Variants in SH2D4B observed in about 807,000 individuals in gnomAD.
SH2D4B encodes the protein SH2 domain-containing protein 4B.
In SH2D4B, 45 loss-of-function variants were observed where a neutral mutation model predicts 61.5. The ratio of observed to expected loss-of-function variants is 0.73; its 90% CI spans 0.58 to 0.94. SH2D4B has a LOEUF of 0.94. Ranked by LOEUF, SH2D4B falls within the 40% of genes least tolerant of loss-of-function variation. SH2D4B has a pLI of 0.00. For synonymous variants in SH2D4B, 224 were observed against 220.4 expected (o/e 1.02, Z -0.14); for missense variants, 572 against 574.2 (o/e 1.00, Z 0.04).
chr10:80,570,399 T>C, intron 2 of SH2D4B, 83 bp downstream of exon 2: 1 of 1,496,902 alleles, frequency 6.7e-7, no homozygotes, highest in Non-Finnish European at 9.0e-7. Flanking sequence ...TTTGTATTTT[T>C]AGTAGAGATG....
chr10:80,628,801 G>A (rs1842794582), intron 6 of SH2D4B, among the ~76,000 whole-genome samples: 1 of 152,152 alleles, frequency 6.6e-6, no homozygotes, highest in African/African-American at 2.4e-5. Context: ...GCTGAGGCGG[G>A]TGGATCATGA....
intron 1 of SH2D4B, among the ~76,000 whole-genome samples, chr10:80,547,523 T>C (rs1403354834): frequency 1.3e-5 from 2 of 152,126 alleles, no homozygotes; most frequent in Non-Finnish European, 2.9e-5. Flanking sequence ...CACAACCCCT[T>C]TCCTGGACAC....
intron 5 of SH2D4B, among the ~76,000 whole-genome samples, chr10:80,608,644 G>GT (rs1315347133): frequency 1.3e-5 from 2 of 151,586 alleles, no homozygotes; most frequent in East Asian, 3.9e-4. Context: ...ACTTTAAAAC[G>GT]TATCTACTCC....
intron 6 of SH2D4B, among the ~76,000 whole-genome samples, chr10:80,616,055 TAAAG>T (rs1340962650): frequency 2.6e-5 from 4 of 151,962 alleles, no homozygotes; most frequent in Non-Finnish European, 4.4e-5. Flanking sequence ...CACTCAGAAA[TAAAG>T]AAAAAGACCT....
At chr10:80,618,066 C>T (rs748864572) in intron 6 of SH2D4B, among the ~76,000 whole-genome samples, 5 of 152,192 alleles carry the variant, frequency 3.3e-5, no homozygotes, top group East Asian at 1.9e-4. Flanking sequence ...ACTGAGAGTA[C>T]GTGGCGTCCC....
chr10:80,601,432 T>C (rs1842450946), intron 4 of SH2D4B, among the ~76,000 whole-genome samples: 1 of 152,220 alleles, frequency 6.6e-6, no homozygotes, highest in South Asian at 2.1e-4. Flanking sequence ...GAAAGAAGGA[T>C]TTGCTTCACT....
intron 5 of SH2D4B, among the ~76,000 whole-genome samples, chr10:80,604,750 T>TACTCC (rs978208819): frequency 2.6e-5 from 4 of 151,722 alleles, no homozygotes; most frequent in Non-Finnish European, 4.4e-5. Context: ...TCCCTCCATC[T>TACTCC]ACTCCACTCC....
rs537160457 is a variant in SH2D4B, at chr10:80,551,172, C to T, written c.184+12657C>T. Among the ~76,000 whole-genome samples, 12 of 152,336 alleles carry T rather than the reference C, an allele frequency of 7.9e-5. No individual in the cohort carries two copies. In the East Asian group the frequency reaches 1.7e-3, roughly 22 times the overall value. On this transcript the variant is annotated intron_variant, in intron 1 of 7. Transcript: ENST00000646907. ...GGCTCACGCCATTCTCCTGCCTCAG[C>T]CTCCTGAGTAGCTGGGACTACAGGC...
rs1236280257 is a variant in SH2D4B, at chr10:80,603,634, GGAC to G, written c.702_704del (p.Asp234del). 1 of 1,597,222 alleles carries G rather than the reference GGAC, an allele frequency of 6.3e-7. No homozygotes were observed. Among genetic ancestry groups the G allele is most frequent in the South Asian group, 1.1e-5 (1 of 88,316 alleles). ...GGAGCCGCCGAGCCCAGCGCGCCCG[GGAC>G]GAGTACCGACACCACTCGCTCCGTG... On this transcript the variant is annotated inframe_deletion, in exon 5 of 8. Transcript: ENST00000646907.
intron 1 of SH2D4B, among the ~76,000 whole-genome samples, chr10:80,549,879 G>A (rs900657950): frequency 2.6e-5 from 4 of 152,184 alleles, no homozygotes; most frequent in South Asian, 4.1e-4. Flanking sequence ...CACAGTCACC[G>A]GTGCTGATGG....
intron 7 of SH2D4B, among the ~76,000 whole-genome samples, chr10:80,637,458 G>A (rs139656352): frequency 2.0e-5 from 3 of 151,900 alleles, no homozygotes; most frequent in African/African-American, 7.3e-5. Flanking sequence ...CTTTTATTTC[G>A]TTGAGCAGTG....
intron 1 of SH2D4B, among the ~76,000 whole-genome samples, chr10:80,569,390 A>C (rs751477906): frequency 1.3e-5 from 2 of 152,180 alleles, no homozygotes; most frequent in South Asian, 2.1e-4. Context: ...CTCACAACAC[A>C]ACAGCCAATA....
intron 1 of SH2D4B, among the ~76,000 whole-genome samples, chr10:80,541,198 G>T (rs1037401157): frequency 6.6e-6 from 1 of 152,154 alleles, no homozygotes; most frequent in Non-Finnish European, 1.5e-5. Context: ...GAACCCCCTG[G>T]GTTACTGTCT....
rs1434154387 is a variant in SH2D4B, at chr10:80,645,375, TG to T, written c.*1291del. 6.6e-6 allele frequency: 1 copy of T among 152,244 alleles called. No homozygotes were observed. The highest frequency in any genetic ancestry group is 2.4e-5 in the African/African-American group (1 of 41,464). 9.4% of individuals were successfully genotyped at this position (152,244 alleles called of 1,614,324 possible). On this transcript the variant is annotated 3_prime_UTR_variant, in exon 8 of 8. Transcript: ENST00000646907. ...TTCCTCCCTATGTTGATCAGTGTCA[TG>T]TGAGCATAAGCCAATGGTAGCTTGC... is the stretch of plus-strand genomic sequence containing the variant.
intron 3 of SH2D4B, among the ~76,000 whole-genome samples, chr10:80,580,791 A>G (rs1369155078): frequency 2.0e-5 from 3 of 152,038 alleles, no homozygotes; most frequent in Non-Finnish European, 4.4e-5. Flanking sequence ...GCTGTTACTG[A>G]TGGGTTATGA....
chr10:80,590,600 T>A (rs1842314552), intron 4 of SH2D4B, among the ~76,000 whole-genome samples: 1 of 152,150 alleles, frequency 6.6e-6, no homozygotes, highest in Non-Finnish European at 1.5e-5. Flanking sequence ...ACTTGACTGA[T>A]GATTGCAACT....
Position 80,538,455 on chromosome 10 carries a change from C to A in SH2D4B, c.124C>A (p.Arg42=). The A allele has an allele frequency of 6.7e-7, 1 of 1,488,002 alleles. No individual in the cohort carries two copies. The highest frequency in any genetic ancestry group is 8.9e-7 in the Non-Finnish European group (1 of 1,117,454). 92.2% of individuals were successfully genotyped at this position (1,488,002 alleles called of 1,614,324 possible). A position where few individuals can be genotyped will look rare whatever the true frequency, so the allele number is the denominator to read the frequency against. ...REEQLRRWKE[R]ETWEALAQDE... ...GGAGCAGCTGAGGCGCTGGAAGGAGCGGGAGACTTGGGAGGCCCTGGCCCA... is the reference window on the plus strand; with the variant it reads ...GGAGCAGCTGAGGCGCTGGAAGGAGAGGGAGACTTGGGAGGCCCTGGCCCA... Residue 42 remains arginine (R), a synonymous_variant, in exon 1 of 8, where the codon CGG becomes AGG. Coordinates refer to ENST00000646907, the MANE Select transcript of SH2D4B (RefSeq NM_001388272.1). This position sits in a 1 kb window ranked among gnomAD's most constrained non-coding sequence, Gnocchi z 4.8.
chr10:80,565,204 A>G (rs1841949600), intron 1 of SH2D4B, among the ~76,000 whole-genome samples: 1 of 152,178 alleles, frequency 6.6e-6, no homozygotes, highest in Non-Finnish European at 1.5e-5. Flanking sequence ...TTCGTCCACA[A>G]GGACTCAAAT....
intron 7 of SH2D4B, among the ~76,000 whole-genome samples, chr10:80,642,760 G>A (rs1840329015): frequency 6.6e-6 from 1 of 152,332 alleles, no homozygotes; most frequent in South Asian, 2.1e-4. Context: ...GGATACATGT[G>A]CAGTATTTCT....
Sources: allele counts gnomAD v4.1 joint callset (sites outside exome capture counted in the v4.1 genomes callset), GRCh38; gene constraint gnomAD v4.1.1; non-coding constraint Gnocchi (gnomAD v3.1); transcripts MANE v1.5; gene names NCBI Gene and HGNC (gene_info 2026-07-23, HGNC 2026-07-21).